GALNT14: variants seen among roughly 807,000 people sequenced by gnomAD.
GALNT14 encodes the protein UDP-GalNAc:polypeptide N-acetylgalactosaminyltransferase 14.
In GALNT14, 60 loss-of-function variants were observed where a neutral mutation model predicts 77.5. That is an observed-to-expected ratio of 0.77 (90% CI 0.63 to 0.96). The LOEUF (loss-of-function observed/expected upper bound fraction) is 0.96. Among genes scored for constraint, GALNT14 ranks in the 40% least tolerant of loss-of-function variants. GALNT14 has a pLI of 0.00. For missense variants in GALNT14, 710 were observed against 731.0 expected, an observed-to-expected ratio of 0.97 and a Z score of 0.33; for synonymous variants, 280 against 281.7, an observed-to-expected ratio of 0.99 and a Z score of 0.06.
At chr2:31,107,651 G>A (rs979916340) in intron 1 of GALNT14, among the ~76,000 whole-genome samples, 2 of 152,094 alleles carry the variant, frequency 1.3e-5, no homozygotes, top group African/African-American at 2.4e-5. Context: ...CATCTCAAAC[G>A]AGTCACCTCT....
At chr2:31,103,490 A>C (rs79866524) in intron 1 of GALNT14, among the ~76,000 whole-genome samples, 1 of 150,094 alleles carries the variant, frequency 6.7e-6, no homozygotes, top group Non-Finnish European at 1.5e-5. Context: ...AGAAGAAGGA[A>C]ACACACACAC....
chr2:31,106,613 C>G (rs1204036550), intron 1 of GALNT14, among the ~76,000 whole-genome samples: 8 of 152,196 alleles, frequency 5.3e-5, no homozygotes, highest in South Asian at 4.1e-4. Context: ...GCATTTACCT[C>G]TGCAAGTTGG....
At chr2:31,087,509 A>AGAGAGGAGAG (rs1347044927) in intron 1 of GALNT14, among the ~76,000 whole-genome samples, 1 of 149,798 alleles carries the variant, frequency 6.7e-6, no homozygotes, top group African/African-American at 2.5e-5. Context: ...GGAGAGGAGA[A>AGAGAGGAGAG]GAGAGGAGAG....
At chr2:30,888,426 T>A in the GALNT14 span, among the ~76,000 whole-genome samples, 1 of 152,204 alleles carries the variant, frequency 6.6e-6, no homozygotes, top group Non-Finnish European at 1.5e-5. Context: ...CTGTAATTAT[T>A]ACCCCCACTT....
chr2:31,134,746 T>C (rs1390232908), intron 1 of GALNT14, among the ~76,000 whole-genome samples: 2 of 152,164 alleles, frequency 1.3e-5, no homozygotes, highest in Non-Finnish European at 2.9e-5. Context: ...AAGGGAGCTC[T>C]GGGAAGCGGG....
chr2:31,121,567 C>G lies in GALNT14; in HGVS notation c.129+16391G>C, dbSNP rs142663607. ...ATAAGCAAACGGCTTTATTTTTTAA[C>G]TTTTCCGCAGTCTGGCCCACTCCTG... On this transcript the variant is annotated intron_variant, in intron 1 of 14. Coordinates refer to ENST00000349752, the MANE Select transcript of GALNT14 (RefSeq NM_024572.4). Among the ~76,000 whole-genome samples, 563 of 152,242 alleles carry G rather than the reference C, an allele frequency of 3.7e-3. 1 individual carries two copies. Among genetic ancestry groups the G allele is most frequent in the African/African-American group, 0.012 (479 of 41,540 alleles).
chr2:31,104,585 G>A (rs2148617686), intron 1 of GALNT14, among the ~76,000 whole-genome samples: 1 of 152,268 alleles, frequency 6.6e-6, no homozygotes, highest in Non-Finnish European at 1.5e-5. Flanking sequence ...ACCAACACAT[G>A]TTGCATTTAG....
intron 2 of GALNT14, among the ~76,000 whole-genome samples, chr2:30,989,141 G>A (rs555769073): frequency 1.3e-5 from 2 of 152,168 alleles, no homozygotes; most frequent in Non-Finnish European, 2.9e-5. Context: ...ACTTCAGCTG[G>A]TTGGAGTCTG....
At chr2:30,946,754 A>G (rs12988252) in intron 6 of GALNT14, among the ~76,000 whole-genome samples, 2,362 of 152,270 alleles carry the variant, frequency 0.016, 25 homozygotes, top group Non-Finnish European at 0.023. Flanking sequence ...GCTTCATTCT[A>G]TGCCTGTGGT....
chr2:31,013,423 C>T (rs1454261310), intron 1 of GALNT14, among the ~76,000 whole-genome samples: 1 of 152,102 alleles, frequency 6.6e-6, no homozygotes. Flanking sequence ...CATCAAGCAC[C>T]CAGGCAGAAC....
chr2:30,919,173 AG>A (rs1488665235), intron 13 of GALNT14, among the ~76,000 whole-genome samples: 3 of 149,722 alleles, frequency 2.0e-5, no homozygotes, highest in Admixed American at 2.0e-4. Context: ...ATTTTTCTAG[AG>A]TCCAATAAAG....
intron 1 of GALNT14, among the ~76,000 whole-genome samples, chr2:31,038,285 G>C (rs1324464100): frequency 6.6e-6 from 1 of 151,168 alleles, no homozygotes; most frequent in Non-Finnish European, 1.5e-5. Context: ...GTAGAGACAG[G>C]GTTTCGCAAT....
intron 1 of GALNT14, among the ~76,000 whole-genome samples, chr2:31,113,619 C>G (rs6543602): frequency 0.55 from 82,939 of 151,978 alleles, 23,672 homozygotes; most frequent in African/African-American, 0.7. Flanking sequence ...GCTGGTGGTA[C>G]TGCTCCTACA....
chr2:31,076,630 T>TATATA (rs1553373510), intron 1 of GALNT14, among the ~76,000 whole-genome samples: 2 of 87,244 alleles, frequency 2.3e-5, no homozygotes, highest in Admixed American at 1.0e-4. Context: ...TATATATATA[T>TATATA]TTTTTTTTTT....
downstream of GALNT14, among the ~76,000 whole-genome samples, chr2:30,907,559 C>T (rs1265233144): frequency 6.6e-6 from 1 of 152,154 alleles, no homozygotes; most frequent in African/African-American, 2.4e-5. Flanking sequence ...GAAACTGTGG[C>T]AATAATCAAT....
chr2:30,930,795 C>T (rs1665679593), intron 10 of GALNT14, among the ~76,000 whole-genome samples: 1 of 152,250 alleles, frequency 6.6e-6, no homozygotes, highest in Non-Finnish European at 1.5e-5. Flanking sequence ...GTTAACAGTG[C>T]CTCCCTGGCC....
chr2:30,927,456 C>T (rs962862740), intron 11 of GALNT14, among the ~76,000 whole-genome samples: 2 of 152,198 alleles, frequency 1.3e-5, no homozygotes, highest in South Asian at 4.1e-4. Context: ...GTCTGAGAGG[C>T]CCTGCGCCAG....
the GALNT14 span, among the ~76,000 whole-genome samples, chr2:30,896,715 T>C: frequency 6.5e-4 from 99 of 152,310 alleles, 1 homozygote; most frequent in Middle Eastern, 0.01. Context: ...CCATTAAGTA[T>C]GGGTGCCATG....
At chr2:31,048,926 T>C (rs12712308) in intron 1 of GALNT14, among the ~76,000 whole-genome samples, 113,455 of 152,056 alleles carry the variant, frequency 0.75, 42,598 homozygotes, top group East Asian at 0.99. Context: ...TTCCCACAGG[T>C]GCCCGTCACT....
Sources: gnomAD v4.1 joint callset for allele counts (sites outside exome capture counted in the v4.1 genomes callset) on GRCh38, gnomAD v4.1.1 for gene constraint, MANE v1.5 for transcripts, NCBI Gene and HGNC (gene_info 2026-07-23, HGNC 2026-07-21) for gene names.